The following PNKD variants were observed in gnomAD, a reference collection of about 807,000 sequenced individuals.
PNKD encodes the protein probable thioesterase PNKD.
In PNKD, 36 loss-of-function variants were observed where a neutral mutation model predicts 45.3. The ratio of observed to expected loss-of-function variants is 0.80; its 90% CI spans 0.61 to 1.05. The LOEUF is 1.05. Ranked by LOEUF, PNKD falls within the 50% of genes least tolerant of loss-of-function variation. The pLI, the probability that PNKD is intolerant of heterozygous loss-of-function variation, is 0.00. For missense variants in PNKD, 511 were observed against 506.6 expected, an observed-to-expected ratio of 1.01 and a Z score of -0.08; for synonymous variants, 197 against 210.1, an observed-to-expected ratio of 0.94 and a Z score of 0.54.
intron 2 of PNKD, among the ~76,000 whole-genome samples, chr2:218,312,740 G>T (rs1008797310): frequency 6.6e-6 from 1 of 151,922 alleles, no homozygotes; most frequent in African/African-American, 2.4e-5. Flanking sequence ...GGGTGTGGGG[G>T]TGTGCACCTG....
Position 218,340,601 on chromosome 2 carries a change from C to T in PNKD, c.466-127C>T. 1.3e-6 allele frequency: 1 copy of T among 766,690 alleles called. No homozygotes were observed. Among genetic ancestry groups the T allele is most frequent in the South Asian group, 1.4e-5 (1 of 71,670 alleles). The allele number at this position is 766,690 out of a possible 1,614,324, so 47.5% of individuals were successfully genotyped here. A position where few individuals can be genotyped will look rare whatever the true frequency, so the allele number is the denominator to read the frequency against. On this transcript the variant is annotated intron_variant, in intron 4 of 9. Coordinates refer to ENST00000273077, the MANE Select transcript of PNKD (RefSeq NM_015488.5). This position sits in a 1 kb window ranked among gnomAD's most constrained non-coding sequence, Gnocchi z 4.2. ...TGGATCTCTCCCCTCCAGCTCCATC[C>T]CTTTCCTCTGCTTCATCTCTCCATG...
At chr2:218,292,492 T>C (rs1477456437) in intron 2 of PNKD, 15 of 152,180 alleles carry the variant, frequency 9.9e-5, no homozygotes. Flanking sequence ...GGAGCGTTCC[T>C]GGCCTCGGAG....
intron 2 of PNKD, among the ~76,000 whole-genome samples, chr2:218,336,517 GTCAC>G (rs1159935591): frequency 6.6e-6 from 1 of 152,102 alleles, no homozygotes; most frequent in Non-Finnish European, 1.5e-5. Context: ...GGTCTCCTCT[GTCAC>G]TCAGACTGGA....
At chr2:218,276,135 ACAGGCCC>A in intron 2 of PNKD, 1 of 1,582,448 alleles carries the variant, frequency 6.3e-7, no homozygotes, top group Non-Finnish European at 8.6e-7. Flanking sequence ...CCACAGGCCC[ACAGGCCC>A]CAGCTTCCCC....
intron 2 of PNKD, chr2:218,323,476 C>A (rs1179501111): frequency 1.6e-6 from 2 of 1,289,932 alleles, no homozygotes; most frequent in East Asian, 3.8e-5. Flanking sequence ...GAGGCGGGCG[C>A]GCTGGGAGAG....
intron 2 of PNKD, among the ~76,000 whole-genome samples, chr2:218,337,703 C>A (rs765122938): frequency 2.0e-5 from 3 of 152,128 alleles, no homozygotes; most frequent in Non-Finnish European, 4.4e-5. Flanking sequence ...TGTGTGTCCC[C>A]CAGATTTGTG....
At chr2:218,327,322 G>C (rs1284670052) in intron 2 of PNKD, among the ~76,000 whole-genome samples, 3 of 152,188 alleles carry the variant, frequency 2.0e-5, no homozygotes, top group Admixed American at 1.3e-4. Flanking sequence ...CCACTGGCTT[G>C]ATTTCAAGAG....
intron 2 of PNKD, among the ~76,000 whole-genome samples, chr2:218,276,575 C>T (rs761656578): frequency 2.0e-4 from 31 of 152,210 alleles, no homozygotes; most frequent in Non-Finnish European, 3.8e-4. Context: ...CTCGTGTCCC[C>T]ATCCTTCCCC....
intron 2 of PNKD, among the ~76,000 whole-genome samples, chr2:218,292,880 C>T (rs1478438383): frequency 6.6e-6 from 1 of 152,084 alleles, no homozygotes; most frequent in Admixed American, 6.5e-5. Context: ...TGTTTACTGC[C>T]CTTCTTTTTA....
intron 2 of PNKD, chr2:218,286,378 C>G (rs1009776678): frequency 6.6e-6 from 1 of 151,958 alleles, no homozygotes; most frequent in Admixed American, 6.6e-5. Flanking sequence ...GGAGCAAGCC[C>G]CTTGTCTGCA....
intron 2 of PNKD, among the ~76,000 whole-genome samples, chr2:218,336,700 C>T (rs1373100633): frequency 6.6e-6 from 1 of 150,754 alleles, no homozygotes; most frequent in African/African-American, 2.4e-5. Flanking sequence ...AGTCTGGTCT[C>T]AAAATCCTGG....
intron 7 of PNKD, among the ~76,000 whole-genome samples, chr2:218,343,255 C>A (rs567676463): frequency 1.3e-5 from 2 of 152,352 alleles, no homozygotes. Context: ...GAAGATTCCA[C>A]AGCCCCTCCC....
intron 2 of PNKD, among the ~76,000 whole-genome samples, chr2:218,276,490 C>T (rs1457875859): frequency 6.6e-6 from 1 of 152,182 alleles, no homozygotes; most frequent in Non-Finnish European, 1.5e-5. Context: ...CGGGAGCACC[C>T]ACAGGACAGC....
At chr2:218,290,608 T>C (rs1386853951) in intron 2 of PNKD, among the ~76,000 whole-genome samples, 3 of 152,158 alleles carry the variant, frequency 2.0e-5, no homozygotes, top group Non-Finnish European at 4.4e-5. Flanking sequence ...CATATCCAGC[T>C]ACCACAGAAC....
intron 2 of PNKD, among the ~76,000 whole-genome samples, chr2:218,328,799 C>G (rs1694229076): frequency 6.6e-6 from 1 of 152,250 alleles, no homozygotes; most frequent in Non-Finnish European, 1.5e-5. Context: ...AAATGAACCT[C>G]TGTCTCCAGA....
At chr2:218,301,575 C>G (rs1167984657) in intron 2 of PNKD, among the ~76,000 whole-genome samples, 1 of 152,050 alleles carries the variant, frequency 6.6e-6, no homozygotes, top group Non-Finnish European at 1.5e-5. Context: ...TGGCTTGAGC[C>G]CAGGAGTTCG....
intron 2 of PNKD, chr2:218,279,640 C>G (rs1691660595): frequency 2.1e-6 from 1 of 487,400 alleles, no homozygotes; most frequent in Non-Finnish European, 3.7e-6. Flanking sequence ...GCACTCCCAG[C>G]AGCTCAGTCT....
chr2:218,301,354 C>G (rs534577048), intron 2 of PNKD, among the ~76,000 whole-genome samples: 1 of 152,258 alleles, frequency 6.6e-6, no homozygotes, highest in East Asian at 1.9e-4. Context: ...CCAGGGCCTG[C>G]ACTCAGTACT....
At chr2:218,328,378 A>C (rs1232544302) in intron 2 of PNKD, among the ~76,000 whole-genome samples, 3 of 151,936 alleles carry the variant, frequency 2.0e-5, no homozygotes, top group Non-Finnish European at 2.9e-5. Context: ...AAATAGCACC[A>C]CCCTCACCCC....
Sources: allele counts gnomAD v4.1 joint callset (sites outside exome capture counted in the v4.1 genomes callset), GRCh38; gene constraint gnomAD v4.1.1; non-coding constraint Gnocchi (gnomAD v3.1); transcripts MANE v1.5; gene names NCBI Gene and HGNC (gene_info 2026-07-23, HGNC 2026-07-21).